Variants in CPNE8 observed in about 807,000 individuals in gnomAD.
The protein encoded by CPNE8 is copine-8.
A neutral mutation model predicts 81.5 loss-of-function variants in CPNE8; 45 were observed. The observed-to-expected ratio is 0.55, with a 90% CI of 0.44 to 0.71. CPNE8 has a LOEUF of 0.71. Among genes scored for constraint, CPNE8 ranks in the 30% least tolerant of loss-of-function variants. CPNE8 has a pLI of 0.00. For missense variants in CPNE8, 594 were observed against 672.1 expected (o/e 0.88, Z 1.28); for synonymous variants, 252 against 226.3 (o/e 1.11, Z -1.02).
At chr12:38,706,681 T>C (rs1404873816) in intron 13 of CPNE8, among the ~76,000 whole-genome samples, 1 of 152,218 alleles carries the variant, frequency 6.6e-6, no homozygotes, top group African/African-American at 2.4e-5. Flanking sequence ...AAGTCCAGTC[T>C]TTGGTTCAAT....
intron 16 of CPNE8, among the ~76,000 whole-genome samples, chr12:38,682,477 G>C (rs1939432370): frequency 1.3e-5 from 2 of 152,184 alleles, no homozygotes; most frequent in South Asian, 2.1e-4. Context: ...AGAATTGCTT[G>C]AACCTGGGAA....
chr12:38,768,829 G>C (rs1391196894), intron 7 of CPNE8, among the ~76,000 whole-genome samples: 1 of 152,026 alleles, frequency 6.6e-6, no homozygotes. Flanking sequence ...TAACTGAACA[G>C]GAAAGCTTAA....
chr12:38,685,673 A>C, intron 15 of CPNE8, 56 bp from the exon 16 acceptor site: 136 of 1,546,602 alleles, frequency 8.8e-5, no homozygotes, highest in Non-Finnish European at 1.1e-4. Flanking sequence ...GTAAATCTCC[A>C]TGAAGATCAA....
At chr12:38,874,299 C>G in intron 2 of CPNE8, among the ~76,000 whole-genome samples, 172 bp downstream of exon 2, 1 of 152,122 alleles carries the variant, frequency 6.6e-6, no homozygotes, top group East Asian at 1.9e-4. Context: ...AAGTGCTCAG[C>G]AAGTCCCTCT....
At chr12:38,700,054 A>G (rs2136685125) in intron 14 of CPNE8, among the ~76,000 whole-genome samples, 3 of 152,132 alleles carry the variant, frequency 2.0e-5, no homozygotes, top group Middle Eastern at 3.4e-3. Context: ...GATATTTTGT[A>G]TTTAGTTTTC....
At chr12:38,815,471 A>G (rs1441430843) in intron 6 of CPNE8, among the ~76,000 whole-genome samples, 1 of 152,348 alleles carries the variant, frequency 6.6e-6, no homozygotes, top group East Asian at 1.9e-4. Context: ...TAAAAGATGC[A>G]TGCAAGTACA....
intron 16 of CPNE8, chr12:38,679,681 C>A (rs185563438): frequency 1.0e-6 from 1 of 985,042 alleles, no homozygotes; most frequent in East Asian, 1.1e-4. Flanking sequence ...ACTTGTTCTA[C>A]ACGTTGGCAC....
chr12:38,764,474 G>A (rs946375317), intron 8 of CPNE8, among the ~76,000 whole-genome samples: 4 of 150,534 alleles, frequency 2.7e-5, no homozygotes, highest in Non-Finnish European at 5.9e-5. Context: ...AAAATTAGCC[G>A]GGCGTAGTGG....
intron 19 of CPNE8, among the ~76,000 whole-genome samples, chr12:38,661,042 C>A (rs1027235624): frequency 6.6e-6 from 1 of 152,154 alleles, no homozygotes; most frequent in African/African-American, 2.4e-5. Flanking sequence ...TTGTGGAAGA[C>A]AGTGTGGCGA....
intron 19 of CPNE8, among the ~76,000 whole-genome samples, chr12:38,654,313 C>G (rs1177008301): frequency 6.6e-6 from 1 of 151,794 alleles, no homozygotes; most frequent in Non-Finnish European, 1.5e-5. Flanking sequence ...GTCAGGAGTT[C>G]AAGACCAGCC....
intron 19 of CPNE8, among the ~76,000 whole-genome samples, chr12:38,666,015 G>T (rs1421171853): frequency 3.9e-5 from 6 of 152,174 alleles, no homozygotes; most frequent in Non-Finnish European, 8.8e-5. Flanking sequence ...GCAACTGGTA[G>T]TTGGGAGGTC....
intron 10 of CPNE8, among the ~76,000 whole-genome samples, chr12:38,738,013 T>C (rs1449710528): frequency 3.3e-5 from 5 of 152,158 alleles, no homozygotes; most frequent in Admixed American, 3.3e-4. Context: ...CTTCCCATAG[T>C]TGTGCCAGAG....
chr12:38,729,612 G>T (rs905055259), intron 11 of CPNE8, among the ~76,000 whole-genome samples: 18 of 152,012 alleles, frequency 1.2e-4, no homozygotes, highest in African/African-American at 3.9e-4. Flanking sequence ...CATCAACCTG[G>T]AAGGGAAGTA....
At chr12:38,724,188 G>A (rs1940639591) in intron 12 of CPNE8, among the ~76,000 whole-genome samples, 1 of 152,086 alleles carries the variant, frequency 6.6e-6, no homozygotes, top group Non-Finnish European at 1.5e-5. Flanking sequence ...GCCTTCAAGA[G>A]GAAATGTGTG....
chr12:38,765,132 C>T (rs764991941), intron 8 of CPNE8, among the ~76,000 whole-genome samples: 14 of 152,164 alleles, frequency 9.2e-5, no homozygotes, highest in Non-Finnish European at 1.9e-4. Context: ...ATTAATCATT[C>T]TCATTTCTAA....
chr12:38,764,174 T>C (rs962799899), intron 8 of CPNE8, among the ~76,000 whole-genome samples: 10 of 151,840 alleles, frequency 6.6e-5, no homozygotes, highest in Non-Finnish European at 1.5e-4. Context: ...GCATTACAAG[T>C]AAGACAGAGG....
At chr12:38,710,782 C>T (rs946735570) in intron 13 of CPNE8, among the ~76,000 whole-genome samples, 8 of 152,188 alleles carry the variant, frequency 5.3e-5, no homozygotes, top group African/African-American at 1.9e-4. Context: ...TAGAGGGGTA[C>T]ACTGTCTGTA....
At chr12:38,848,392 A>G (rs1943590116) in intron 4 of CPNE8, among the ~76,000 whole-genome samples, 167 bp downstream of exon 4, 1 of 152,178 alleles carries the variant, frequency 6.6e-6, no homozygotes, top group African/African-American at 2.4e-5. Context: ...ATTCAGACCT[A>G]CAAAATGCAA....
chr12:38,806,755 C>A (rs1337544342), intron 6 of CPNE8, among the ~76,000 whole-genome samples: 15 of 145,340 alleles, frequency 1.0e-4, no homozygotes, highest in African/African-American at 3.7e-4. Context: ...CTGGCCAGGG[C>A]AATTAGGCAG....
Sources: gnomAD v4.1 joint callset for allele counts (sites outside exome capture counted in the v4.1 genomes callset) on GRCh38, gnomAD v4.1.1 for gene constraint, MANE v1.5 for transcripts, NCBI Gene and HGNC (gene_info 2026-07-23, HGNC 2026-07-21) for gene names.